The following TMEM232 variants were observed in gnomAD, a reference collection of about 807,000 sequenced individuals.
TMEM232 encodes transmembrane protein 232.
A neutral mutation model predicts 78.8 loss-of-function variants in TMEM232; 80 were observed. That is an observed-to-expected ratio of 1.01 (90% CI 0.85 to 1.22). The LOEUF is 1.22. Ranked by LOEUF, TMEM232 falls within the 50% of genes most tolerant of loss-of-function variation. The probability of loss-of-function intolerance (pLI) is 0.00; values close to 1 mark genes in which losing one functional copy is unlikely to be tolerated. For missense variants in TMEM232, 881 were observed against 742.2 expected, an observed-to-expected ratio of 1.19 and a Z score of -2.17; for synonymous variants, 297 against 254.3, an observed-to-expected ratio of 1.17 and a Z score of -1.60.
At chr5:110,573,629 T>C (rs1397416521) in intron 10 of TMEM232, among the ~76,000 whole-genome samples, 1 of 152,190 alleles carries the variant, frequency 6.6e-6, no homozygotes, top group Non-Finnish European at 1.5e-5. Flanking sequence ...CAGTTTATTA[T>C]GAATGTTATG....
rs1342687291 is a variant in TMEM232, at chr5:110,424,746, C to T, written c.1797+77G>A. 5.1e-6 allele frequency: 6 copies of T among 1,175,664 alleles called. No individual in the cohort carries two copies. In the South Asian group the frequency reaches 7.5e-5, roughly 15 times the overall value. 72.8% of individuals were successfully genotyped at this position (1,175,664 alleles called of 1,614,324 possible). ...ATTTCACATATTAAGGTTTCAGTCTCAGAACTACATTTTATCATTTAAAGT... is the reference window on the plus strand; with the variant it reads ...ATTTCACATATTAAGGTTTCAGTCTTAGAACTACATTTTATCATTTAAAGT... On this transcript the variant is annotated intron_variant, in intron 13 of 13. Transcript: ENST00000455884.
chr5:110,615,885 A>C (rs1228246232), intron 8 of TMEM232, among the ~76,000 whole-genome samples: 1 of 151,436 alleles, frequency 6.6e-6, no homozygotes, highest in Non-Finnish European at 1.5e-5. Flanking sequence ...TTATGAAAAC[A>C]ATCTCATTTA....
chr5:110,531,319 C>G (rs559435587), intron 11 of TMEM232, among the ~76,000 whole-genome samples: 6 of 152,298 alleles, frequency 3.9e-5, no homozygotes, highest in African/African-American at 4.8e-5. Flanking sequence ...TCTCTTCACA[C>G]GGACACACAT....
intron 11 of TMEM232, among the ~76,000 whole-genome samples, chr5:110,564,005 T>C (rs1400444534): frequency 6.6e-6 from 1 of 152,060 alleles, no homozygotes; most frequent in Non-Finnish European, 1.5e-5. Context: ...TTTAAGGTTT[T>C]ATTTTCTATG....
chr5:110,591,748 A>G (rs1392067389), intron 10 of TMEM232, among the ~76,000 whole-genome samples: 1 of 152,178 alleles, frequency 6.6e-6, no homozygotes, highest in African/African-American at 2.4e-5. Context: ...ATACGGTATG[A>G]GTTCGTTTGA....
chr5:110,590,359 C>T (rs1779352409), intron 10 of TMEM232, among the ~76,000 whole-genome samples: 1 of 152,098 alleles, frequency 6.6e-6, no homozygotes, highest in African/African-American at 2.4e-5. Flanking sequence ...TTGGGCCATA[C>T]AATAGGAGAT....
intron 12 of TMEM232, among the ~76,000 whole-genome samples, chr5:110,477,589 T>C (rs1454996229): frequency 6.6e-6 from 1 of 151,816 alleles, no homozygotes; most frequent in Non-Finnish European, 1.5e-5. Flanking sequence ...CCTTTCATGG[T>C]TGTGTTAACT....
At chr5:110,675,539 G>GC (rs1232171114) in intron 1 of TMEM232, among the ~76,000 whole-genome samples, 1 of 152,168 alleles carries the variant, frequency 6.6e-6, no homozygotes, top group African/African-American at 2.4e-5. Context: ...GCATGGAGCT[G>GC]TATTCTGCCA....
chr5:110,398,614 T>C (rs968444668), intron 2 of TMEM232, among the ~76,000 whole-genome samples: 21 of 152,136 alleles, frequency 1.4e-4, no homozygotes, highest in Admixed American at 4.6e-4. Flanking sequence ...CTCAATGAGA[T>C]TGTAAAGGGT....
chr5:110,504,166 A>AT (rs1484353774), intron 12 of TMEM232, among the ~76,000 whole-genome samples: 1 of 152,124 alleles, frequency 6.6e-6, no homozygotes, highest in African/African-American at 2.4e-5. Context: ...ATTACTGCAG[A>AT]TTTTTTACTA....
chr5:110,519,606 C>A (rs1245433971), intron 12 of TMEM232, among the ~76,000 whole-genome samples: 1 of 151,774 alleles, frequency 6.6e-6, no homozygotes, highest in Non-Finnish European at 1.5e-5. Flanking sequence ...TATGTTTCAT[C>A]AATCCCACTG....
intron 2 of TMEM232, among the ~76,000 whole-genome samples, chr5:110,642,661 A>C (rs574822044): frequency 6.6e-6 from 1 of 152,196 alleles, no homozygotes; most frequent in South Asian, 2.1e-4. Context: ...AGCCTTCTTT[A>C]GATAAAATCC....
chr5:110,717,054 G>T (rs1028307368), intron 1 of TMEM232, among the ~76,000 whole-genome samples: 10 of 152,076 alleles, frequency 6.6e-5, no homozygotes, highest in African/African-American at 2.2e-4. Context: ...TTGTACCAGG[G>T]ACATGAGGTC....
chr5:110,483,668 G>T (rs927408872), intron 12 of TMEM232, among the ~76,000 whole-genome samples: 3 of 151,994 alleles, frequency 2.0e-5, no homozygotes, highest in African/African-American at 7.3e-5. Context: ...GTTAATGGGT[G>T]CAGCACACCA....
intron 12 of TMEM232, among the ~76,000 whole-genome samples, chr5:110,526,728 A>G (rs981602204): frequency 3.9e-5 from 6 of 152,000 alleles, no homozygotes; most frequent in African/African-American, 1.4e-4. Flanking sequence ...ATTCTTCCAC[A>G]TGTTAAAAGA....
intron 10 of TMEM232, among the ~76,000 whole-genome samples, chr5:110,600,362 A>T (rs1015791727): frequency 6.6e-6 from 1 of 152,200 alleles, no homozygotes; most frequent in Non-Finnish European, 1.5e-5. Context: ...AAAAAAATCA[A>T]TGAATCCAGG....
intron 12 of TMEM232, among the ~76,000 whole-genome samples, chr5:110,435,636 C>G (rs888568947): frequency 6.6e-6 from 1 of 151,830 alleles, no homozygotes; most frequent in African/African-American, 2.4e-5. Context: ...TGGTAAACAT[C>G]CTTCTATTCT....
intron 10 of TMEM232, among the ~76,000 whole-genome samples, chr5:110,569,619 G>A (rs1776714835): frequency 6.6e-6 from 1 of 151,756 alleles, no homozygotes; most frequent in African/African-American, 2.4e-5. Flanking sequence ...GATGATTATT[G>A]CCCTTCTTGA....
intron 11 of TMEM232, among the ~76,000 whole-genome samples, chr5:110,552,972 C>T (rs1774646912): frequency 6.6e-6 from 1 of 152,042 alleles, no homozygotes; most frequent in Non-Finnish European, 1.5e-5. Flanking sequence ...AGCCAGTGAT[C>T]CCAGCACCAC....
Sources: gnomAD v4.1 joint callset for allele counts (sites outside exome capture counted in the v4.1 genomes callset) on GRCh38, gnomAD v4.1.1 for gene constraint, MANE v1.5 for transcripts, NCBI Gene and HGNC (gene_info 2026-07-23, HGNC 2026-07-21) for gene names.